TSPAN9: variants seen among roughly 807,000 people sequenced by gnomAD.
TSPAN9 encodes the protein tetraspanin 9.
In TSPAN9, 16 loss-of-function variants were observed where a neutral mutation model predicts 31.0. The observed-to-expected ratio is 0.52, with a 90% CI of 0.35 to 0.78. The LOEUF (loss-of-function observed/expected upper bound fraction) is 0.78, where lower values mean the gene tolerates loss of function less well. Ranked by LOEUF, TSPAN9 falls within the 30% of genes least tolerant of loss-of-function variation. The pLI is 0.01. For missense variants in TSPAN9, 272 were observed against 312.5 expected (o/e 0.87, Z 0.98); for synonymous variants, 145 against 121.6 (o/e 1.19, Z -1.27).
chr12:3,226,214 A>G (rs921289026), intron 3 of TSPAN9, among the ~76,000 whole-genome samples: 3 of 152,114 alleles, frequency 2.0e-5, no homozygotes, highest in African/African-American at 7.2e-5. Context: ...AGGAAGGCAG[A>G]CATTTTTTAT....
At chr12:3,082,721 G>C (rs1029939368) in intron 1 of TSPAN9, among the ~76,000 whole-genome samples, 37 of 152,168 alleles carry the variant, frequency 2.4e-4, no homozygotes, top group African/African-American at 8.9e-4. Flanking sequence ...ATGGGGAGGT[G>C]AGGAAAGGAT....
intron 2 of TSPAN9, among the ~76,000 whole-genome samples, chr12:3,148,923 C>T (rs916329308): frequency 2.0e-5 from 3 of 152,118 alleles, no homozygotes; most frequent in Non-Finnish European, 2.9e-5. Flanking sequence ...CGTGCCTGGC[C>T]GAGGTAACTT....
At chr12:3,174,667 C>G (rs1200874904) in intron 2 of TSPAN9, among the ~76,000 whole-genome samples, 3 of 152,088 alleles carry the variant, frequency 2.0e-5, no homozygotes. Flanking sequence ...ACTGCAAGCT[C>G]CGCCTCCCGG....
chr12:3,157,111 T>TC (rs2098342639), intron 2 of TSPAN9, among the ~76,000 whole-genome samples: 1 of 151,784 alleles, frequency 6.6e-6, no homozygotes, highest in Non-Finnish European at 1.5e-5. Context: ...TGTTTTTTTT[T>TC]TTTTTTGAGA....
At chr12:3,277,996 C>T (rs1265817333) in intron 3 of TSPAN9, among the ~76,000 whole-genome samples, 1 of 152,222 alleles carries the variant, frequency 6.6e-6, no homozygotes, top group African/African-American at 2.4e-5. Flanking sequence ...GAGATGAAGT[C>T]TTTCTTGCTT....
At chr12:3,215,991 C>G (rs1204604332) in intron 3 of TSPAN9, among the ~76,000 whole-genome samples, 1 of 152,206 alleles carries the variant, frequency 6.6e-6, no homozygotes, top group African/African-American at 2.4e-5. Flanking sequence ...ATCCTGGAAT[C>G]ACAGGGACAC....
chr12:3,083,027 T>C (rs191139747), intron 1 of TSPAN9, among the ~76,000 whole-genome samples: 1 of 152,362 alleles, frequency 6.6e-6, no homozygotes, highest in Admixed American at 6.5e-5. Flanking sequence ...CGGAGTCATG[T>C]TTCTGCAGAG....
chr12:3,078,060 G>A (rs1284586991), intron 1 of TSPAN9, among the ~76,000 whole-genome samples: 1 of 152,212 alleles, frequency 6.6e-6, no homozygotes, highest in Non-Finnish European at 1.5e-5. Context: ...GTTGTTGTAA[G>A]AGCAATATTT....
intron 3 of TSPAN9, among the ~76,000 whole-genome samples, chr12:3,213,391 C>T (rs147649709): frequency 5.9e-5 from 9 of 152,058 alleles, no homozygotes; most frequent in East Asian, 2.0e-4. Flanking sequence ...CAAATCAGAG[C>T]GACAGCTTGT....
At chr12:3,275,816 G>A (rs1479497572) in intron 3 of TSPAN9, among the ~76,000 whole-genome samples, 1 of 152,218 alleles carries the variant, frequency 6.6e-6, no homozygotes, top group African/African-American at 2.4e-5. Flanking sequence ...GCTGCTGGAC[G>A]TAAATCATTC....
intron 2 of TSPAN9, among the ~76,000 whole-genome samples, chr12:3,094,013 A>G (rs1337786417): frequency 6.7e-6 from 1 of 149,158 alleles, no homozygotes; most frequent in Non-Finnish European, 1.5e-5. Flanking sequence ...CAGATGTGCA[A>G]CACCATGATT....
At chr12:3,270,518 T>G (rs1314985940) in intron 3 of TSPAN9, among the ~76,000 whole-genome samples, 3 of 152,252 alleles carry the variant, frequency 2.0e-5, no homozygotes, top group Non-Finnish European at 4.4e-5. Flanking sequence ...GTCTCACAGA[T>G]GCCTTGATTG....
chr12:3,268,173 A>AGCCTGCCCTCCGTGCATTCCTGCAGCCTG (rs1183177021), intron 3 of TSPAN9, among the ~76,000 whole-genome samples: 4 of 129,122 alleles, frequency 3.1e-5, no homozygotes, highest in African/African-American at 1.2e-4. Flanking sequence ...CCTGCAGCCT[A>AGCCTGCCCTCCGTGCATTCCTGCAGCCTG]CCCTCCGTGC....
At chr12:3,122,101 C>T (rs535071256) in intron 2 of TSPAN9, among the ~76,000 whole-genome samples, 4 of 152,142 alleles carry the variant, frequency 2.6e-5, no homozygotes, top group East Asian at 3.9e-4. Flanking sequence ...TTTGGGAGGC[C>T]GAGGCAGGCA....
chr12:3,181,378 T>C (rs1223285515), intron 2 of TSPAN9, among the ~76,000 whole-genome samples: 1 of 152,158 alleles, frequency 6.6e-6, no homozygotes, highest in Non-Finnish European at 1.5e-5. Context: ...AAGTGCCTTG[T>C]CACGGGGCAG....
In TSPAN9 at chr12:3,280,511, C is replaced by T. The variant is rs1262985236; in HGVS notation, c.432+28C>T. 1 of 1,600,840 alleles carries T rather than the reference C, an allele frequency of 6.2e-7. No individual in the cohort carries two copies. The highest frequency in any genetic ancestry group is 1.7e-5 in the Admixed American group (1 of 59,496). On this transcript the variant is annotated intron_variant, in intron 6 of 8. Coordinates refer to ENST00000011898, the MANE Select transcript of TSPAN9 (RefSeq NM_006675.5). The surrounding 1 kb of genome is among the most constrained non-coding windows in gnomAD (Gnocchi z 4.5). ...GCGGGCTGGGCCGCCCTGGTGGGGC[C>T]AGGCAGGGAGGAGGGGTGGCGGCCG...
Position 3,187,453 on chromosome 12 carries a change from A to G in TSPAN9, c.-17-13724A>G, listed in dbSNP as rs368570118. Among the ~76,000 whole-genome samples, 339 of 152,268 alleles carry G rather than the reference A, an allele frequency of 2.2e-3. 2 individuals are homozygous for G. The highest frequency in any genetic ancestry group is 7.7e-3 in the African/African-American group (320 of 41,552). ...TTCGTCCATAAAAGCAGGGCCCAGC[A>G]CTGGACCCAGGTAAGGCCGCTTGGT... is the stretch of plus-strand genomic sequence containing the variant. On this transcript the variant is annotated intron_variant, in intron 2 of 8. Coordinates refer to ENST00000011898, the MANE Select transcript of TSPAN9 (RefSeq NM_006675.5). This position sits in a 1 kb window ranked among gnomAD's most constrained non-coding sequence, Gnocchi z 5.2.
chr12:3,198,444 A>ACACCAGCACAGGCCAC (rs1380701656), intron 2 of TSPAN9, among the ~76,000 whole-genome samples: 1 of 79,022 alleles, frequency 1.3e-5, no homozygotes, highest in Non-Finnish European at 2.5e-5. Context: ...AGCACAGGTC[A>ACACCAGCACAGGCCAC]CACCAGCACA....
intron 3 of TSPAN9, among the ~76,000 whole-genome samples, chr12:3,239,685 G>A (rs1476385467): frequency 2.0e-5 from 3 of 152,210 alleles, no homozygotes; most frequent in African/African-American, 7.2e-5. Context: ...AGCACAGACA[G>A]TGGCATTGCT....
Sources: gnomAD v4.1 joint callset for allele counts (sites outside exome capture counted in the v4.1 genomes callset) on GRCh38, gnomAD v4.1.1 for gene constraint, Gnocchi (gnomAD v3.1) non-coding constraint, MANE v1.5 for transcripts, NCBI Gene and HGNC (gene_info 2026-07-23, HGNC 2026-07-21) for gene names.